Variants in NCKAP5 observed in about 807,000 individuals in gnomAD.
The protein encoded by NCKAP5 is nck-associated protein 5.
A neutral mutation model predicts 167.0 loss-of-function variants in NCKAP5; 92 were observed. That is an observed-to-expected ratio of 0.55 (90% CI 0.47 to 0.66). The LOEUF (loss-of-function observed/expected upper bound fraction) is 0.66. Ranked by LOEUF, NCKAP5 falls within the 30% of genes least tolerant of loss-of-function variation. The probability of loss-of-function intolerance (pLI) is 0.00; values close to 1 mark genes in which losing one functional copy is unlikely to be tolerated. For synonymous variants in NCKAP5, 891 were observed against 877.4 expected (o/e 1.02, Z -0.27); for missense variants, 2,378 against 2,315.0 (o/e 1.03, Z -0.56).
intron 6 of NCKAP5, among the ~76,000 whole-genome samples, chr2:133,036,076 A>G (rs2079031228): frequency 6.6e-6 from 1 of 151,982 alleles, no homozygotes; most frequent in Non-Finnish European, 1.5e-5. Context: ...AAAAATCTAG[A>G]AGAAATGGAA....
chr2:133,505,464 G>A (rs935947844), intron 3 of NCKAP5, among the ~76,000 whole-genome samples: 1 of 152,122 alleles, frequency 6.6e-6, no homozygotes, highest in Non-Finnish European at 1.5e-5. Flanking sequence ...ATCTGGAACG[G>A]CCACATCAGC....
chr2:133,463,448 C>T (rs1692328140), intron 3 of NCKAP5, among the ~76,000 whole-genome samples: 1 of 152,186 alleles, frequency 6.6e-6, no homozygotes, highest in African/African-American at 2.4e-5. Flanking sequence ...TCCAGGAGCA[C>T]ATCTTTAAGT....
chr2:133,617,348 A>G, the NCKAP5 span, among the ~76,000 whole-genome samples: 2 of 151,852 alleles, frequency 1.3e-5, no homozygotes, highest in Non-Finnish European at 2.9e-5. Flanking sequence ...AATTAGGAAA[A>G]GAGGAAGTCA....
chr2:133,576,643 G>A, the NCKAP5 span, among the ~76,000 whole-genome samples: 2 of 152,106 alleles, frequency 1.3e-5, no homozygotes, highest in East Asian at 3.9e-4. Context: ...CCTCTGTTTT[G>A]ATAAAAAAAT....
chr2:133,475,270 C>T (rs570811461), intron 3 of NCKAP5, among the ~76,000 whole-genome samples: 1 of 152,320 alleles, frequency 6.6e-6, no homozygotes, highest in South Asian at 2.1e-4. Context: ...TTATTCAAGA[C>T]CAAGTCCAAT....
intron 6 of NCKAP5, among the ~76,000 whole-genome samples, chr2:133,129,062 G>A (rs1266554785): frequency 6.7e-6 from 1 of 148,708 alleles, no homozygotes; most frequent in Admixed American, 6.7e-5. Context: ...GGATTGCGAT[G>A]ACCACTGAAA....
intron 5 of NCKAP5, among the ~76,000 whole-genome samples, chr2:133,182,197 A>G (rs961712461): frequency 6.6e-6 from 1 of 152,238 alleles, no homozygotes; most frequent in Non-Finnish European, 1.5e-5. Flanking sequence ...TGATAGACCA[A>G]CTACACAGAA....
At chr2:133,442,511 T>C (rs1690923397) in intron 3 of NCKAP5, among the ~76,000 whole-genome samples, 1 of 152,252 alleles carries the variant, frequency 6.6e-6, no homozygotes, top group Middle Eastern at 3.4e-3. Context: ...ATCACATCCA[T>C]CATAAAACCA....
chr2:133,615,798 G>A, the NCKAP5 span, among the ~76,000 whole-genome samples: 1 of 152,060 alleles, frequency 6.6e-6, no homozygotes. Context: ...GCACCAAGTG[G>A]AACTAATAGA....
intron 6 of NCKAP5, among the ~76,000 whole-genome samples, chr2:133,069,612 T>C (rs2149546203): frequency 6.6e-6 from 1 of 152,322 alleles, no homozygotes; most frequent in Admixed American, 6.5e-5. Context: ...TTCCTATCAT[T>C]GTATCAAATA....
chr2:133,186,236 T>C (rs2084940740), intron 5 of NCKAP5, among the ~76,000 whole-genome samples: 1 of 152,154 alleles, frequency 6.6e-6, no homozygotes, highest in Non-Finnish European at 1.5e-5. Flanking sequence ...TTGCTTTTTG[T>C]TTTTATGTGA....
chr2:133,133,947 C>A (rs548895083), intron 5 of NCKAP5, among the ~76,000 whole-genome samples: 2 of 152,172 alleles, frequency 1.3e-5, no homozygotes, highest in Non-Finnish European at 2.9e-5. Context: ...ACTGTCAGCT[C>A]TGCTGTAACA....
At chr2:133,494,545 G>A (rs534868962) in intron 3 of NCKAP5, among the ~76,000 whole-genome samples, 1 of 152,164 alleles carries the variant, frequency 6.6e-6, no homozygotes, top group Admixed American at 6.5e-5. Flanking sequence ...AAGTGAATGA[G>A]CCCCCTCTTA....
At chr2:132,951,713 A>G (rs79433950) in intron 8 of NCKAP5, among the ~76,000 whole-genome samples, 44 of 152,224 alleles carry the variant, frequency 2.9e-4, no homozygotes, top group African/African-American at 1.0e-3. Context: ...TAACAAGGGC[A>G]TTTTTCTGGA....
intron 11 of NCKAP5, among the ~76,000 whole-genome samples, chr2:132,823,052 G>T (rs905364814): frequency 2.6e-5 from 4 of 152,154 alleles, no homozygotes; most frequent in Non-Finnish European, 5.9e-5. Flanking sequence ...AGAAATTTGT[G>T]ATTTTGTTAA....
At chr2:132,756,317 C>A (rs917555373) in intron 16 of NCKAP5, among the ~76,000 whole-genome samples, 5 of 152,226 alleles carry the variant, frequency 3.3e-5, no homozygotes, top group African/African-American at 1.2e-4. Context: ...TTGAAAAGGG[C>A]AGACATTATG....
chr2:133,501,652 TGTTA>T (rs1355276078), intron 3 of NCKAP5, among the ~76,000 whole-genome samples: 5 of 152,338 alleles, frequency 3.3e-5, no homozygotes, highest in African/African-American at 1.2e-4. Flanking sequence ...TCAGTCAATG[TGTTA>T]GTTAGGTGTG....
chr2:132,768,663 G>T (rs1293144505), intron 16 of NCKAP5, among the ~76,000 whole-genome samples: 1 of 139,330 alleles, frequency 7.2e-6, no homozygotes, highest in Non-Finnish European at 1.5e-5. Context: ...TTTTTGAGAC[G>T]GAGTCTCGCT....
At chr2:132,788,893 A>G (rs1347050361) in intron 13 of NCKAP5, among the ~76,000 whole-genome samples, 1 of 152,192 alleles carries the variant, frequency 6.6e-6, no homozygotes, top group East Asian at 1.9e-4. Flanking sequence ...AGTAATACAC[A>G]TTTCAAATGT....
Sources: gnomAD v4.1 joint callset for allele counts (sites outside exome capture counted in the v4.1 genomes callset) on GRCh38, gnomAD v4.1.1 for gene constraint, MANE v1.5 for transcripts, NCBI Gene and HGNC (gene_info 2026-07-23, HGNC 2026-07-21) for gene names.